MKLN1: variants seen among roughly 807,000 people sequenced by gnomAD.
MKLN1 encodes the protein muskelin.
In MKLN1, 18 loss-of-function variants were observed where a neutral mutation model predicts 99.0. That is an observed-to-expected ratio of 0.18 (90% CI 0.13 to 0.27). The LOEUF is 0.27. Among genes scored for constraint, MKLN1 ranks in the 10% least tolerant of loss-of-function variants. The probability of loss-of-function intolerance (pLI) is 1.00; values close to 1 mark genes in which losing one functional copy is unlikely to be tolerated. For missense variants in MKLN1, 621 were observed against 875.9 expected (o/e 0.71, Z 3.67); for synonymous variants, 288 against 293.2 (o/e 0.98, Z 0.18).
rs958135108 is a variant in MKLN1, at chr7:131,491,127, G to C, written c.*3399G>C. Reference sequence around the variant, plus strand: ...AGTCACGTGAAATCCTTAGCTGGTTGAATGTTGCACAGTATTTGAGAATTA... The same window carrying C: ...AGTCACGTGAAATCCTTAGCTGGTTCAATGTTGCACAGTATTTGAGAATTA... On this transcript the variant is annotated 3_prime_UTR_variant, in exon 18 of 18. Transcript: ENST00000352689. 2.0e-5 allele frequency: 3 copies of C among 152,050 alleles called. No homozygotes were observed. The highest frequency in any genetic ancestry group is 7.2e-5 in the African/African-American group (3 of 41,406). 9.4% of individuals were successfully genotyped at this position (152,050 alleles called of 1,614,324 possible). A position where few individuals can be genotyped will look rare whatever the true frequency, so the allele number is the denominator to read the frequency against.
chr7:131,375,565 A>T, intron 2 of MKLN1, 72 bp downstream of exon 2: 1 of 870,184 alleles, frequency 1.1e-6, no homozygotes, highest in Non-Finnish European at 1.9e-6. Context: ...GATACTAGTT[A>T]TCTGGAATCT....
At chr7:131,446,773 C>CA (rs761819439) in intron 12 of MKLN1, among the ~76,000 whole-genome samples, 16 of 151,988 alleles carry the variant, frequency 1.1e-4, no homozygotes, top group East Asian at 1.9e-4. Flanking sequence ...AACAAACAAA[C>CA]AAAAAAACAA....
intron 3 of MKLN1, among the ~76,000 whole-genome samples, chr7:131,258,988 A>T (rs1797695454): frequency 1.3e-5 from 2 of 152,078 alleles, no homozygotes; most frequent in Non-Finnish European, 2.9e-5. Flanking sequence ...ACTTCTAGGG[A>T]GAATGTGAGG....
chr7:131,457,896 C>T (rs979024553), intron 12 of MKLN1, among the ~76,000 whole-genome samples: 1 of 151,718 alleles, frequency 6.6e-6, no homozygotes, highest in Non-Finnish European at 1.5e-5. Context: ...GCCTGGGCAA[C>T]AAGAGTGAAA....
At chr7:131,392,687 T>G (rs918203025) in intron 4 of MKLN1, among the ~76,000 whole-genome samples, 2 of 149,970 alleles carry the variant, frequency 1.3e-5, no homozygotes, top group African/African-American at 4.9e-5. Flanking sequence ...TCACCACAAC[T>G]TCCTGCCTCC....
chr7:131,342,411 GTAC>G (rs569808509), intron 1 of MKLN1, among the ~76,000 whole-genome samples: 104 of 152,290 alleles, frequency 6.8e-4, no homozygotes, highest in African/African-American at 2.4e-3. Context: ...ACACACATAG[GTAC>G]ACATATAATA....
At chr7:131,432,450 A>C (rs1177708516) in intron 9 of MKLN1, among the ~76,000 whole-genome samples, 3 of 152,182 alleles carry the variant, frequency 2.0e-5, no homozygotes, top group Non-Finnish European at 4.4e-5. Context: ...TGTTAGTTCA[A>C]AGTCAGTACA....
chr7:131,162,368 A>G (rs187198679), intron 2 of MKLN1, among the ~76,000 whole-genome samples: 104 of 152,170 alleles, frequency 6.8e-4, no homozygotes, highest in Admixed American at 4.6e-3. Context: ...TATATTTTTT[A>G]CTGTTAAGTA....
chr7:131,395,964 A>G (rs1029520425), intron 4 of MKLN1, among the ~76,000 whole-genome samples: 3 of 151,962 alleles, frequency 2.0e-5, no homozygotes, highest in African/African-American at 7.3e-5. Flanking sequence ...CATTATAAAT[A>G]GGACTTTTTT....
chr7:131,275,536 T>TAG (rs1797949299), intron 3 of MKLN1, among the ~76,000 whole-genome samples: 1 of 11,534 alleles, frequency 8.7e-5, no homozygotes, highest in African/African-American at 1.9e-4. Flanking sequence ...GCCCAGCTGA[T>TAG]ATATATATAT....
intron 2 of MKLN1, among the ~76,000 whole-genome samples, chr7:131,161,483 T>G (rs1796047167): frequency 1.3e-5 from 2 of 152,208 alleles, no homozygotes; most frequent in South Asian, 2.1e-4. Context: ...AGTGGCATTG[T>G]TGGTGGTGAC....
intron 3 of MKLN1, among the ~76,000 whole-genome samples, chr7:131,289,373 C>T (rs973506145): frequency 8.5e-5 from 13 of 152,150 alleles, no homozygotes; most frequent in African/African-American, 2.9e-4. Context: ...CGCCTGTGGT[C>T]CCAGCACTTT....
chr7:131,124,644 T>A (rs1795426180), intron 1 of MKLN1, among the ~76,000 whole-genome samples: 1 of 152,126 alleles, frequency 6.6e-6, no homozygotes, highest in Non-Finnish European at 1.5e-5. Context: ...CTCTGCCCAA[T>A]ATGGGTTTCC....
intron 8 of MKLN1, among the ~76,000 whole-genome samples, chr7:131,424,070 CA>C (rs1795282762): frequency 6.6e-6 from 1 of 152,110 alleles, no homozygotes. Flanking sequence ...TTCCCCTCTT[CA>C]AAAAATTCAA....
At chr7:131,243,021 T>C in intron 3 of MKLN1, 1 of 570,264 alleles carries the variant, frequency 1.8e-6, no homozygotes, top group Non-Finnish European at 3.3e-6. Context: ...TTTTGGTCAT[T>C]AAAAATTAAA....
rs567402207 is a variant in MKLN1, at chr7:131,185,257, T to C, written c.-296-17600T>C. Among the ~76,000 whole-genome samples the C allele has an allele frequency of 1.5e-4, 23 of 152,216 alleles. No homozygotes were observed. The South Asian group carries it at 1.9e-3, about 12-fold the overall frequency. ...GTGACTGGTACCACTGGACAACCTA[T>C]GTTCTCAAAGATGCATCTTTTAAAC... On this transcript the variant is annotated intron_variant, in intron 2 of 7. Coordinates refer to the MKLN1 transcript ENST00000416992.
Position 131,283,432 on chromosome 7 carries a change from C to CT in MKLN1, c.-179+80473dup, listed in dbSNP as rs755106012. 7.8e-3 allele frequency among the ~76,000 whole-genome samples: 955 copies of CT among 123,206 alleles called. 13 individuals carry two copies. Among genetic ancestry groups the CT allele is most frequent in the Non-Finnish European group, 9.9e-3 (569 of 57,460 alleles). 80.8% of individuals were successfully genotyped at this position (123,206 alleles called of 152,430 possible). The stretch of plus-strand genomic sequence containing the variant: ...CTCTCTTTACTGCTTTCTTTCTTCT[C>CT]TTTTTTTTTTTTTTTGAGACAGCAT... On this transcript the variant is annotated intron_variant, in intron 3 of 7. Transcript: ENST00000416992.
intron 3 of MKLN1, among the ~76,000 whole-genome samples, chr7:131,290,678 C>G (rs2116598351): frequency 6.6e-6 from 1 of 152,342 alleles, no homozygotes; most frequent in South Asian, 2.1e-4. Flanking sequence ...GAGATGATCT[C>G]CCTTCCACAA....
In MKLN1 at chr7:131,327,880, G is replaced by A. The variant is rs1798931037; in HGVS notation, c.-20G>A. 1.2e-6 allele frequency: 2 copies of A among 1,608,538 alleles called. No homozygotes were observed. The highest frequency in any genetic ancestry group is 2.2e-5 in the East Asian group (1 of 44,782). On this transcript the variant is annotated 5_prime_UTR_variant, in exon 1 of 18. Transcript: ENST00000352689. ...CGTTCGCTGCCAGCGGTCGGTGGCG[G>A]CCGCTACGGTGCTGACAAGATGGCG...
Sources: allele counts gnomAD v4.1 joint callset (sites outside exome capture counted in the v4.1 genomes callset), GRCh38; gene constraint gnomAD v4.1.1; transcripts MANE v1.5; gene names NCBI Gene and HGNC (gene_info 2026-07-23, HGNC 2026-07-21).